MPPED1: variants seen among roughly 807,000 people sequenced by gnomAD.
MPPED1 encodes the protein metallophosphoesterase domain-containing protein 1.
A neutral mutation model predicts 36.2 loss-of-function variants in MPPED1; 16 were observed. The ratio of observed to expected loss-of-function variants is 0.44; its 90% CI spans 0.30 to 0.67. The LOEUF is 0.67. Among genes scored for constraint, MPPED1 ranks in the 30% least tolerant of loss-of-function variants. The probability of loss-of-function intolerance (pLI) is 0.10; values close to 1 mark genes in which losing one functional copy is unlikely to be tolerated. For synonymous variants in MPPED1, 199 were observed against 191.3 expected, an observed-to-expected ratio of 1.04 and a Z score of -0.33; for missense variants, 307 against 453.4, an observed-to-expected ratio of 0.68 and a Z score of 2.93.
intron 3 of MPPED1, among the ~76,000 whole-genome samples, chr22:43,455,693 G>A (rs1016892763): frequency 2.6e-5 from 4 of 152,178 alleles, no homozygotes; most frequent in East Asian, 3.8e-4. Context: ...CATAATCTCA[G>A]CAACATAACT....
chr22:43,475,051 G>C, intron 4 of MPPED1, 90 bp downstream of exon 4: 1 of 1,187,052 alleles, frequency 8.4e-7, no homozygotes, highest in South Asian at 1.3e-5. Context: ...GTAGCAGCAG[G>C]GAGCTCCGGA....
intron 5 of MPPED1, among the ~76,000 whole-genome samples, chr22:43,500,323 T>TGGA (rs1569091928): frequency 8.0e-6 from 1 of 125,320 alleles, no homozygotes; most frequent in Non-Finnish European, 1.7e-5. Flanking sequence ...GAGGTGGTGA[T>TGGA]GGTGGTGGTG....
At chr22:43,495,897 A>T (rs1421940317) in intron 4 of MPPED1, among the ~76,000 whole-genome samples, 1 of 86,858 alleles carries the variant, frequency 1.2e-5, no homozygotes, top group Non-Finnish European at 2.4e-5. Context: ...GTGGTGGTGG[A>T]GATGGTGGTG....
chr22:43,456,190 T>C (rs1930746825), intron 3 of MPPED1, among the ~76,000 whole-genome samples: 1 of 152,232 alleles, frequency 6.6e-6, no homozygotes, highest in Non-Finnish European at 1.5e-5. Flanking sequence ...TGAATAGAAA[T>C]GGCAAGAGTG....
chr22:43,433,286 C>A (rs979411106), intron 2 of MPPED1, among the ~76,000 whole-genome samples: 5 of 152,158 alleles, frequency 3.3e-5, no homozygotes, highest in African/African-American at 1.2e-4. Context: ...GTCAAAGGTG[C>A]TGGCTGTATT....
chr22:43,490,668 T>A (rs1932054476), intron 4 of MPPED1, among the ~76,000 whole-genome samples: 1 of 152,164 alleles, frequency 6.6e-6, no homozygotes, highest in Non-Finnish European at 1.5e-5. Flanking sequence ...GTCTTGTAAA[T>A]ATTTGATCAG....
chr22:43,502,894 A>G lies in MPPED1; in HGVS notation c.862+137A>G, dbSNP rs1305684760. The G allele has an allele frequency of 7.0e-6, 5 of 717,668 alleles. No homozygotes were observed. Among genetic ancestry groups the G allele is most frequent in the Admixed American group, 2.5e-5 (1 of 39,510 alleles). 44.5% of individuals were successfully genotyped at this position (717,668 alleles called of 1,614,324 possible). A position where few individuals can be genotyped will look rare whatever the true frequency, so the allele number is the denominator to read the frequency against. ...GTTCGCTTTGTAACTGCTAACTGCCATACACACCCTGGCTGTCAATGAGCT... is the reference window on the plus strand; with the variant it reads ...GTTCGCTTTGTAACTGCTAACTGCCGTACACACCCTGGCTGTCAATGAGCT... On this transcript the variant is annotated intron_variant, in intron 6 of 6. Coordinates refer to ENST00000443721, the MANE Select transcript of MPPED1 (RefSeq NM_001044370.2). This position sits in a 1 kb window ranked among gnomAD's most constrained non-coding sequence, Gnocchi z 5.5.
chr22:43,454,753 G>T (rs752120973), intron 3 of MPPED1, among the ~76,000 whole-genome samples: 12 of 152,152 alleles, frequency 7.9e-5, no homozygotes, highest in African/African-American at 1.2e-4. Context: ...GTTTTGACAC[G>T]TTGCTCAGGC....
rs571284469 is a variant in MPPED1 at position 43,474,332 on chromosome 22, C to T, written c.407-404C>T. 3.3e-5 allele frequency among the ~76,000 whole-genome samples: 5 copies of T among 152,326 alleles called. No individual in the cohort carries two copies. Among genetic ancestry groups the T allele is most frequent in the African/African-American group, 7.2e-5 (3 of 41,570 alleles). On this transcript the variant is annotated intron_variant, in intron 3 of 6. Coordinates refer to ENST00000443721, the MANE Select transcript of MPPED1 (RefSeq NM_001044370.2). The surrounding 1 kb of genome is among the most constrained non-coding windows in gnomAD (Gnocchi z 5.2). ...GGGAGGAACCTGTCCAGCCTCTTCC[C>T]GATGATCTCAGGGGGCCGATGGCCA... is the stretch of plus-strand genomic sequence containing the variant.
At chr22:43,503,971 G>A (rs1236349327) in intron 6 of MPPED1, among the ~76,000 whole-genome samples, 1 of 152,160 alleles carries the variant, frequency 6.6e-6, no homozygotes, top group East Asian at 1.9e-4. Flanking sequence ...AGGATGAGGG[G>A]GATTCTACCA....
intron 3 of MPPED1, among the ~76,000 whole-genome samples, chr22:43,439,498 G>C (rs914690155): frequency 4.6e-5 from 7 of 152,244 alleles, no homozygotes; most frequent in Non-Finnish European, 7.3e-5. Flanking sequence ...GTGCAGGGAG[G>C]TGGGGCGGCT....
At chr22:43,437,970 A>G (rs890479820) in intron 3 of MPPED1, among the ~76,000 whole-genome samples, 1 of 151,888 alleles carries the variant, frequency 6.6e-6, no homozygotes, top group African/African-American at 2.4e-5. Context: ...TCAGCTAGCA[A>G]CCGCCCTCCC....
chr22:43,503,544 G>A (rs569254886), intron 6 of MPPED1, among the ~76,000 whole-genome samples: 73 of 152,238 alleles, frequency 4.8e-4, no homozygotes, highest in African/African-American at 1.7e-3. Flanking sequence ...ATATTAGATC[G>A]TTTTCCAGCT....
At chr22:43,428,621 A>G (rs1929567403) in intron 2 of MPPED1, among the ~76,000 whole-genome samples, 1 of 152,162 alleles carries the variant, frequency 6.6e-6, no homozygotes, top group African/African-American at 2.4e-5. Context: ...ATGGAGCCTT[A>G]TTTAATAAAT....
intron 1 of MPPED1, among the ~76,000 whole-genome samples, chr22:43,414,666 G>A (rs1312894236): frequency 6.6e-6 from 1 of 152,148 alleles, no homozygotes; most frequent in Non-Finnish European, 1.5e-5. Context: ...TGGAATTTCT[G>A]CGTTATCCCT....
At chr22:43,488,517 G>A (rs1411739753) in intron 4 of MPPED1, among the ~76,000 whole-genome samples, 1 of 152,194 alleles carries the variant, frequency 6.6e-6, no homozygotes, top group African/African-American at 2.4e-5. Flanking sequence ...CATTTATATT[G>A]GCTAAGCAGG....
chr22:43,421,220 G>A (rs1929262603), intron 1 of MPPED1, among the ~76,000 whole-genome samples: 1 of 152,256 alleles, frequency 6.6e-6, no homozygotes, highest in Non-Finnish European at 1.5e-5. Context: ...GCTGCACGGC[G>A]GAGAATGCTC....
chr22:43,432,282 G>C (rs1569066961), intron 2 of MPPED1, among the ~76,000 whole-genome samples: 1 of 149,226 alleles, frequency 6.7e-6, no homozygotes, highest in African/African-American at 2.5e-5. Context: ...GAGAGAGAGA[G>C]AAAGGGAGGA....
At chr22:43,487,849 T>A (rs1199801757) in intron 4 of MPPED1, among the ~76,000 whole-genome samples, 7 of 152,102 alleles carry the variant, frequency 4.6e-5, no homozygotes, top group Non-Finnish European at 1.0e-4. Context: ...GCCCTGAGGA[T>A]GAACTGAGCT....
Sources: gnomAD v4.1 joint callset for allele counts (sites outside exome capture counted in the v4.1 genomes callset) on GRCh38, gnomAD v4.1.1 for gene constraint, Gnocchi (gnomAD v3.1) non-coding constraint, MANE v1.5 for transcripts, NCBI Gene and HGNC (gene_info 2026-07-23, HGNC 2026-07-21) for gene names.